The following JADE3 variants were observed in gnomAD, a reference collection of about 807,000 sequenced individuals.
JADE3 encodes the protein protein Jade-3.
JADE3 carries 2 observed loss-of-function variants against 50.1 expected under a neutral mutation model. The ratio of observed to expected loss-of-function variants is 0.04; its 90% CI spans 0.02 to 0.13. JADE3 has a LOEUF of 0.13. JADE3 is among the 10% of genes least tolerant of loss of function. The probability of loss-of-function intolerance (pLI) is 1.00; values close to 1 mark genes in which losing one functional copy is unlikely to be tolerated. For synonymous variants in JADE3, 218 were observed against 232.9 expected (o/e 0.94, Z 0.58); for missense variants, 475 against 634.4 (o/e 0.75, Z 2.70).
chrX:47,033,868 C>T, intron 7 of JADE3, 80 bp downstream of exon 7: 2 of 864,624 alleles, frequency 2.3e-6, no homozygotes, highest in Non-Finnish European at 3.2e-6. Context: ...GACTCAGGCT[C>T]AGTATGGAAA....
At chrX:46,982,412 G>A (rs1224111308) in intron 1 of JADE3, among the ~76,000 whole-genome samples, 1 of 110,463 alleles carries the variant, frequency 9.1e-6, no homozygotes, top group Admixed American at 9.7e-5. Context: ...TTAGTTCTTC[G>A]AACATATTTA....
chrX:46,962,387 TAAAC>T, intron 1 of JADE3, among the ~76,000 whole-genome samples: 1 of 112,061 alleles, frequency 8.9e-6, no homozygotes, highest in East Asian at 2.8e-4. Flanking sequence ...CCTCTTGTGT[TAAAC>T]AACATTCTGG....
chrX:46,929,329 C>T (rs184234217), intron 1 of JADE3, among the ~76,000 whole-genome samples: 59 of 112,088 alleles, frequency 5.3e-4, no homozygotes, highest in Admixed American at 4.8e-3. Flanking sequence ...TTTTTTCTTT[C>T]TTTAGTTGAT....
chrX:46,985,826 T>TA, intron 3 of JADE3, 34 bp downstream of exon 3: 2 of 992,061 alleles, frequency 2.0e-6, no homozygotes, highest in Non-Finnish European at 2.9e-6. Context: ...AGACTTAAGC[T>TA]ATAGTTTGGA....
At chrX:46,938,851 G>A (rs373492869) in intron 1 of JADE3, among the ~76,000 whole-genome samples, 5 of 111,668 alleles carry the variant, frequency 4.5e-5, no homozygotes, top group East Asian at 5.6e-4. Flanking sequence ...TTTTTGAGAC[G>A]GAGTCTCGCT....
intron 1 of JADE3, among the ~76,000 whole-genome samples, chrX:46,975,132 C>A (rs1927584151): frequency 8.9e-6 from 1 of 112,236 alleles, no homozygotes; most frequent in Non-Finnish European, 1.9e-5. Context: ...GTGCGACTGT[C>A]TTTATGACAC....
At chrX:47,012,638 T>G (rs1340682385) in intron 4 of JADE3, among the ~76,000 whole-genome samples, 2 of 110,519 alleles carry the variant, frequency 1.8e-5, no homozygotes, top group Non-Finnish European at 3.8e-5. Flanking sequence ...TTTTTTGTTG[T>G]TGTTGTTGTT....
intron 6 of JADE3, among the ~76,000 whole-genome samples, chrX:47,032,238 C>T (rs935737956): frequency 9.0e-6 from 1 of 111,597 alleles, no homozygotes; most frequent in Non-Finnish European, 1.9e-5. Flanking sequence ...AGATAAGGAA[C>T]CGGCAAACTT....
intron 1 of JADE3, among the ~76,000 whole-genome samples, chrX:46,952,824 C>CTGG (rs1927036033): frequency 9.0e-6 from 1 of 111,300 alleles, no homozygotes; most frequent in Non-Finnish European, 1.9e-5. Flanking sequence ...ATGGTGAAAC[C>CTGG]CCATCTCTAC....
intron 1 of JADE3, among the ~76,000 whole-genome samples, chrX:46,919,044 C>T (rs1479866474): frequency 8.9e-6 from 1 of 112,485 alleles, no homozygotes; most frequent in African/African-American, 3.2e-5. Flanking sequence ...TCTTGTTAAA[C>T]ACCCATTTCT....
chrX:47,055,261 G>T (rs782002563), intron 9 of JADE3, among the ~76,000 whole-genome samples: 2 of 111,686 alleles, frequency 1.8e-5, no homozygotes, highest in African/African-American at 3.3e-5. Context: ...ATGAGATACT[G>T]CAGGGCTTCA....
intron 8 of JADE3, among the ~76,000 whole-genome samples, chrX:47,049,922 C>T (rs1327892331): frequency 9.3e-6 from 1 of 107,189 alleles, no homozygotes; most frequent in Non-Finnish European, 1.9e-5. Context: ...TCACTGCACC[C>T]GGCACTCTTC....
intron 1 of JADE3, among the ~76,000 whole-genome samples, chrX:46,955,144 C>G (rs1382204114): frequency 8.9e-6 from 1 of 112,788 alleles, no homozygotes; most frequent in Non-Finnish European, 1.9e-5. Context: ...TTATGCCAGA[C>G]TGGCCCTCCT....
At chrX:46,980,281 A>G (rs1173625431) in intron 1 of JADE3, among the ~76,000 whole-genome samples, 2 of 111,612 alleles carry the variant, frequency 1.8e-5, no homozygotes, top group Non-Finnish European at 3.8e-5. Flanking sequence ...TATGTGTTTT[A>G]TAATAAATAT....
At chrX:46,959,856 C>T (rs1405330509) in intron 1 of JADE3, among the ~76,000 whole-genome samples, 1 of 110,071 alleles carries the variant, frequency 9.1e-6, no homozygotes, top group Non-Finnish European at 1.9e-5. Flanking sequence ...TCTGACAGAG[C>T]TGCATGCTTT....
At chrX:46,960,525 C>T (rs1927237539) in intron 1 of JADE3, among the ~76,000 whole-genome samples, 1 of 112,003 alleles carries the variant, frequency 8.9e-6, no homozygotes, top group South Asian at 3.8e-4. Context: ...TAGTGGGCTT[C>T]CCTAGTAGAC....
At chrX:46,963,024 A>AGAC (rs1331407391) in intron 1 of JADE3, among the ~76,000 whole-genome samples, 3 of 110,892 alleles carry the variant, frequency 2.7e-5, no homozygotes, top group African/African-American at 9.9e-5. Context: ...TTGTTAGTAG[A>AGAC]GACGGGGTTT....
At chrX:47,009,761 A>G (rs1367111293) in intron 4 of JADE3, among the ~76,000 whole-genome samples, 1 of 108,870 alleles carries the variant, frequency 9.2e-6, no homozygotes, top group African/African-American at 3.3e-5. Context: ...AGTAGCTAGG[A>G]CTACAGGCGC....
chrX:46,959,537 C>A (rs781791639), intron 1 of JADE3, among the ~76,000 whole-genome samples: 2 of 111,715 alleles, frequency 1.8e-5, no homozygotes, highest in Non-Finnish European at 3.8e-5. Context: ...CTTTAATGTG[C>A]CCACAGTGAT....
Sources: allele counts gnomAD v4.1 joint callset (sites outside exome capture counted in the v4.1 genomes callset), GRCh38; gene constraint gnomAD v4.1.1; transcripts MANE v1.5; gene names NCBI Gene and HGNC (gene_info 2026-07-23, HGNC 2026-07-21).